ADGRV1: variants seen among roughly 807,000 people sequenced by gnomAD.
ADGRV1 encodes G-protein coupled receptor 98.
A neutral mutation model predicts 596.2 loss-of-function variants in ADGRV1; 359 were observed. The ratio of observed to expected loss-of-function variants is 0.60; its 90% CI spans 0.55 to 0.66. ADGRV1 has a LOEUF of 0.66. Among genes scored for constraint, ADGRV1 ranks in the 30% least tolerant of loss-of-function variants. The pLI is 0.00. For synonymous variants in ADGRV1, 2,681 were observed against 2,679.2 expected (o/e 1.00, Z -0.02); for missense variants, 7,274 against 7,575.6 (o/e 0.96, Z 1.48).
Position 90,778,550 on chromosome 5 carries a change from T to G in ADGRV1, c.12790T>G (p.Ser4264Ala). 3 of 1,612,218 alleles carry G rather than the reference T, an allele frequency of 1.9e-6. No individual in the cohort carries two copies. The highest frequency in any genetic ancestry group is 2.5e-6 in the Non-Finnish European group (3 of 1,179,030). Residue 4264 changes from serine (S) to alanine (A), a missense_variant, in exon 63 of 90, where the codon TCT (serine) becomes GCT (alanine). Around this residue, in one of 5 missense-constraint regions of ADGRV1, gnomAD observed 3,643 missense variants for 3,809.2 expected, o/e 0.96. Coordinates refer to ENST00000405460, the MANE Select transcript of ADGRV1 (RefSeq NM_032119.4). ...TANITVVASD[S>A]PYGRFAFSHE... ...CAACATCACGGTGGTGGCCAGCGAC[T>G]CTCCCTATGGCCGATTTGCCTTTTC...
intron 88 of ADGRV1, among the ~76,000 whole-genome samples, 180 bp downstream of exon 88, chr5:91,150,401 C>T (rs993393990): frequency 1.8e-4 from 28 of 152,202 alleles, no homozygotes; most frequent in African/African-American, 6.3e-4. Context: ...GTGACAACTT[C>T]TGACCTATGG....
At chr5:91,078,373 T>C (rs995175290) in intron 86 of ADGRV1, among the ~76,000 whole-genome samples, 2 of 152,094 alleles carry the variant, frequency 1.3e-5, no homozygotes, top group Admixed American at 6.5e-5. Flanking sequence ...TCCTGGTAAA[T>C]AAAATAAACT....
At chr5:90,711,406 C>A in intron 41 of ADGRV1, 84 bp downstream of exon 41, 1 of 983,092 alleles carries the variant, frequency 1.0e-6, no homozygotes, top group Non-Finnish European at 1.4e-6. Context: ...ATTTAGGTCC[C>A]ATATAAATAA....
rs954093518 is a variant in ADGRV1 at position 91,005,595 on chromosome 5, G to C, written c.18152+20073G>C. ...ATGTTGTGAAAAATCTGCTTATGCT[G>C]CACTCTCCTACTTTATTATCCACAG... On this transcript the variant is annotated intron_variant, in intron 85 of 89. Transcript: ENST00000405460. 2.6e-5 allele frequency among the ~76,000 whole-genome samples: 4 copies of C among 152,150 alleles called. No individual in the cohort carries two copies. The South Asian group carries it at 6.2e-4, about 24-fold the overall frequency.
rs1752161322 is a variant in ADGRV1 at position 90,728,927 on chromosome 5, T to C, written c.10420T>C (p.Phe3474Leu). The C allele has an allele frequency of 6.2e-7, 1 of 1,604,068 alleles. No homozygotes were observed. The highest frequency in any genetic ancestry group is 1.7e-5 in the Admixed American group (1 of 59,794). Residue 3474 changes from phenylalanine (F) to leucine (L), a missense_variant, in exon 49 of 90, where the codon TTT (phenylalanine) becomes CTT (leucine). Coordinates refer to ENST00000405460, the MANE Select transcript of ADGRV1 (RefSeq NM_032119.4). ...TTACCTAATATTTGCCGAAAATGTC[T>C]TTCTAGGTGAGAAGATAAAGTATTT... ...DIYLIFAENV[F>L]LGDQNSIDIF... is the part of the protein sequence containing the mutation.
rs542364887 is a variant in ADGRV1, at chr5:90,833,683, T to A, written c.16611+4497T>A. On this transcript the variant is annotated intron_variant, in intron 77 of 89. Coordinates refer to ENST00000405460, the MANE Select transcript of ADGRV1 (RefSeq NM_032119.4). ...GTGGCTATTGTAAATGGGATTTTTT[T>A]AATTTTCCATATGGTTCACTGTCGG... Among the ~76,000 whole-genome samples the A allele has an allele frequency of 8.7e-4, 132 of 152,336 alleles. 2 individuals carry two copies. In the South Asian group the frequency reaches 0.02, roughly 23 times the overall value.
In ADGRV1 at chr5:90,810,877, ATG is replaced by A. The variant is rs1762377343; in HGVS notation, c.15620_15621del (p.Val5207GlyfsTer23). 1 of 1,613,898 alleles carries A rather than the reference ATG, an allele frequency of 6.2e-7. No homozygotes were observed. Among genetic ancestry groups the A allele is most frequent in the Non-Finnish European group, 8.5e-7 (1 of 1,179,906 alleles). On this transcript the variant is annotated frameshift_variant, in exon 74 of 90. Transcript: ENST00000405460. LOFTEE classifies it high-confidence loss of function. The stretch of plus-strand genomic sequence containing the variant: ...ACACCTGCTGTGTCTGAAAAGCCTG[ATG>A]TGGCCACTGTAACTGCCAATGTTTC...
At chr5:90,688,398 C>A (rs570022323) in intron 29 of ADGRV1, among the ~76,000 whole-genome samples, 1 of 152,152 alleles carries the variant, frequency 6.6e-6, no homozygotes, top group African/African-American at 2.4e-5. Flanking sequence ...TGCTCTGTCA[C>A]CCAGGGTGGA....
At chr5:90,568,541 T>C (rs566904015) in intron 1 of ADGRV1, among the ~76,000 whole-genome samples, 1 of 152,324 alleles carries the variant, frequency 6.6e-6, no homozygotes, top group Admixed American at 6.5e-5. Flanking sequence ...ATATTATCTC[T>C]TCTGGAGACT....
chr5:90,863,079 A>G (rs1333305967), intron 82 of ADGRV1, among the ~76,000 whole-genome samples: 3 of 152,242 alleles, frequency 2.0e-5, no homozygotes, highest in African/African-American at 7.2e-5. Context: ...GAGTGGGGTA[A>G]AAGCTTAAGT....
intron 87 of ADGRV1, among the ~76,000 whole-genome samples, chr5:91,132,465 A>G (rs978219981): frequency 2.3e-4 from 35 of 152,228 alleles, no homozygotes; most frequent in African/African-American, 8.0e-4. Context: ...TGAGGGTACA[A>G]TGGAGAACCA....
chr5:91,143,283 C>T (rs1795255933), intron 87 of ADGRV1, among the ~76,000 whole-genome samples: 1 of 152,220 alleles, frequency 6.6e-6, no homozygotes, highest in South Asian at 2.1e-4. Context: ...CTCCTTGTTG[C>T]CTGCAATATG....
intron 87 of ADGRV1, among the ~76,000 whole-genome samples, chr5:91,110,347 C>G (rs1792262378): frequency 6.6e-6 from 1 of 152,138 alleles, no homozygotes; most frequent in Non-Finnish European, 1.5e-5. Context: ...TGCAGGTGTT[C>G]CAGGCTTCCA....
chr5:90,667,073 C>T (rs1271232577), intron 21 of ADGRV1, among the ~76,000 whole-genome samples: 1 of 151,724 alleles, frequency 6.6e-6, no homozygotes, highest in Non-Finnish European at 1.5e-5. Flanking sequence ...TTTGGTGAAA[C>T]TGACAATTAT....
intron 83 of ADGRV1, among the ~76,000 whole-genome samples, chr5:90,921,240 C>T (rs1000332990): frequency 6.6e-6 from 1 of 152,160 alleles, no homozygotes; most frequent in Non-Finnish European, 1.5e-5. Flanking sequence ...AATAATATCA[C>T]ACTGTGTGAA....
intron 87 of ADGRV1, among the ~76,000 whole-genome samples, chr5:91,107,155 G>A (rs746256139): frequency 2.5e-4 from 38 of 152,118 alleles, no homozygotes; most frequent in Non-Finnish European, 4.0e-4. Context: ...AAGTTTCCAG[G>A]TGGTACTGAT....
intron 87 of ADGRV1, among the ~76,000 whole-genome samples, chr5:91,142,438 C>T (rs933728867): frequency 6.6e-6 from 1 of 152,176 alleles, no homozygotes; most frequent in Non-Finnish European, 1.5e-5. Context: ...CCTCATACCA[C>T]ATTGTCTCAG....
intron 86 of ADGRV1, among the ~76,000 whole-genome samples, chr5:91,099,261 C>A (rs1465203800): frequency 1.3e-5 from 2 of 151,504 alleles, no homozygotes; most frequent in African/African-American, 4.9e-5. Context: ...AGCCTTATTT[C>A]TCTCTCAAAA....
chr5:91,103,988 C>T (rs936065153), intron 87 of ADGRV1, among the ~76,000 whole-genome samples: 3 of 152,314 alleles, frequency 2.0e-5, no homozygotes, highest in South Asian at 2.1e-4. Flanking sequence ...TTGGTTTAAA[C>T]GCCGGCTTTC....
Sources: allele counts gnomAD v4.1 joint callset (sites outside exome capture counted in the v4.1 genomes callset), GRCh38; gene constraint gnomAD v4.1.1; regional missense constraint gnomAD v4.1.1; transcripts MANE v1.5; gene names NCBI Gene and HGNC (gene_info 2026-07-23, HGNC 2026-07-21).